Variants in RYR2 observed in about 807,000 individuals in gnomAD.
RYR2 encodes the protein ryanodine receptor 2.
A neutral mutation model predicts 601.1 loss-of-function variants in RYR2; 227 were observed. The observed-to-expected ratio is 0.38, with a 90% CI of 0.34 to 0.42. RYR2 has a LOEUF of 0.42. RYR2 is among the 10% of genes least tolerant of loss of function. RYR2 has a pLI of 1.00. For synonymous variants in RYR2, 2,223 were observed against 2,175.1 expected (o/e 1.02, Z -0.61); for missense variants, 4,646 against 6,156.5 (o/e 0.75, Z 8.21).
At chr1:237,071,134 C>T (rs1233264048) in intron 1 of RYR2, among the ~76,000 whole-genome samples, 1 of 152,200 alleles carries the variant, frequency 6.6e-6, no homozygotes, top group Non-Finnish European at 1.5e-5. Context: ...AGTAAAAGAA[C>T]AACTCTCATG....
At chr1:237,455,423 G>A (rs1337185223) in intron 15 of RYR2, among the ~76,000 whole-genome samples, 1 of 152,076 alleles carries the variant, frequency 6.6e-6, no homozygotes, top group African/African-American at 2.4e-5. Context: ...ACTTGAGGGT[G>A]GAGGGTGGGA....
At chr1:237,322,925 G>T (rs559388200) in intron 2 of RYR2, among the ~76,000 whole-genome samples, 15 of 151,452 alleles carry the variant, frequency 9.9e-5, no homozygotes, top group Non-Finnish European at 2.1e-4. Flanking sequence ...TTCGTGGCTA[G>T]AGGAACTGCA....
At chr1:237,721,011 C>T (rs562658572) in intron 73 of RYR2, among the ~76,000 whole-genome samples, 1 of 152,218 alleles carries the variant, frequency 6.6e-6, no homozygotes, top group South Asian at 2.1e-4. Flanking sequence ...TTCATCTTGT[C>T]ATTTTATTCT....
intron 99 of RYR2, 39 bp from the exon 100 acceptor site, chr1:237,808,862 A>G (rs373668729): frequency 6.2e-7 from 1 of 1,609,762 alleles, no homozygotes; most frequent in Admixed American, 1.7e-5. Flanking sequence ...TGTATGTCCT[A>G]CATTTCTAAT....
intron 2 of RYR2, among the ~76,000 whole-genome samples, chr1:237,306,057 T>A (rs776605338): frequency 3.9e-5 from 6 of 152,156 alleles, no homozygotes; most frequent in Non-Finnish European, 8.8e-5. Context: ...TTAACTACAA[T>A]TTTACTAATG....
intron 100 of RYR2, among the ~76,000 whole-genome samples, chr1:237,812,265 A>G (rs1423444544): frequency 6.6e-6 from 1 of 152,174 alleles, no homozygotes; most frequent in African/African-American, 2.4e-5. Flanking sequence ...TGCTTCTGTC[A>G]TTAATTTTAG....
At chr1:237,445,628 A>C in intron 14 of RYR2, 106 bp downstream of exon 14, 14 of 1,384,284 alleles carry the variant, frequency 1.0e-5, no homozygotes, top group Non-Finnish European at 1.4e-5. Context: ...AATAAATCTC[A>C]TACTGTTTGG....
In RYR2 at chr1:237,106,578, C is replaced by T. The variant is rs1558243398; in HGVS notation, c.48+64009C>T. Among the ~76,000 whole-genome samples, 2 of 152,108 alleles carry T rather than the reference C, an allele frequency of 1.3e-5. No homozygotes were observed. The highest frequency in any genetic ancestry group is 4.8e-5 in the African/African-American group (2 of 41,418). On this transcript the variant is annotated intron_variant, in intron 1 of 104. Coordinates refer to ENST00000366574, the MANE Select transcript of RYR2 (RefSeq NM_001035.3). This position sits in a 1 kb window ranked among gnomAD's most constrained non-coding sequence, Gnocchi z 4.4. ...TGTCTGTCAGAGAGTCGTGGAGCTGCTGGGAGGTGGTTAGTGTGGACTTCT... is the reference window on the plus strand; with the variant it reads ...TGTCTGTCAGAGAGTCGTGGAGCTGTTGGGAGGTGGTTAGTGTGGACTTCT...
chr1:237,056,332 A>ATGAGGACTGGAGCCCTGCACCTG (rs1662046220), intron 1 of RYR2, among the ~76,000 whole-genome samples: 1 of 61,320 alleles, frequency 1.6e-5, no homozygotes, highest in Non-Finnish European at 3.3e-5. Context: ...CACTGCACCT[A>ATGAGGACTGGAGCCCTGCACCTG]TGAGGACTGG....
At chr1:237,640,166 C>G (rs626383) in intron 46 of RYR2, among the ~76,000 whole-genome samples, 150,093 of 152,284 alleles carry the variant, frequency 0.99, 74,020 homozygotes, top group East Asian at 1. Flanking sequence ...CTCACGGACA[C>G]CCTTGCATGC....
intron 16 of RYR2, among the ~76,000 whole-genome samples, chr1:237,458,247 G>C (rs748961155): frequency 6.6e-6 from 1 of 152,074 alleles, no homozygotes; most frequent in Non-Finnish European, 1.5e-5. Flanking sequence ...GACCAACATA[G>C]TGAAACCCTG....
intron 79 of RYR2, among the ~76,000 whole-genome samples, chr1:237,741,179 C>T (rs563058882): frequency 3.5e-4 from 53 of 152,170 alleles, no homozygotes; most frequent in African/African-American, 1.1e-3. Context: ...AAACAGAAAG[C>T]GTGGTGCTAT....
chr1:237,828,250 A>G, intron 101 of RYR2, 131 bp from the exon 102 acceptor site: 1 of 583,294 alleles, frequency 1.7e-6, no homozygotes, highest in South Asian at 2.5e-5. Context: ...TCGGATATGT[A>G]GTCACGTTTA....
At position 237,781,663 on chromosome 1, in the gene RYR2, C is replaced by G. The variant is rs770285624; in HGVS notation, c.11962+17C>G. On this transcript the variant is annotated intron_variant, in intron 89 of 104. Transcript: ENST00000366574. The stretch of plus-strand genomic sequence containing the variant: ...TGTTAGAAGGTAGTTTTGATTTATA[C>G]TTTTAAATTCTCTTTATTATCTTAT... 3.0e-6 allele frequency: 4 copies of G among 1,312,836 alleles called. No homozygotes were observed. Among genetic ancestry groups the G allele is most frequent in the Non-Finnish European group, 4.3e-6 (4 of 926,018 alleles). The allele number at this position is 1,312,836 out of a possible 1,614,324, so 81.3% of individuals were successfully genotyped here.
chr1:237,428,431 G>A (rs1475820244), intron 12 of RYR2, among the ~76,000 whole-genome samples: 2 of 152,176 alleles, frequency 1.3e-5, no homozygotes, highest in African/African-American at 4.8e-5. Context: ...AAAGGAATGA[G>A]ATAATGTCCT....
At chr1:237,552,359 G>C (rs1428733458) in intron 27 of RYR2, among the ~76,000 whole-genome samples, 1 of 152,016 alleles carries the variant, frequency 6.6e-6, no homozygotes, top group African/African-American at 2.4e-5. Flanking sequence ...AATTGAAATA[G>C]AAATTGTTTT....
At chr1:237,470,629 G>T (rs1009234767) in intron 17 of RYR2, among the ~76,000 whole-genome samples, 2 of 152,148 alleles carry the variant, frequency 1.3e-5, no homozygotes, top group African/African-American at 2.4e-5. Flanking sequence ...TGCATTAATT[G>T]CAGAATATAT....
chr1:237,331,728 A>T (rs1223195073), intron 3 of RYR2, among the ~76,000 whole-genome samples: 1 of 147,656 alleles, frequency 6.8e-6, no homozygotes, highest in Non-Finnish European at 1.5e-5. Context: ...GTTGGCCAGG[A>T]TGGTCTTGAC....
chr1:237,247,948 G>C (rs1687025956), intron 1 of RYR2, among the ~76,000 whole-genome samples: 1 of 152,028 alleles, frequency 6.6e-6, no homozygotes, highest in Non-Finnish European at 1.5e-5. Flanking sequence ...AGGCTTAAGG[G>C]TTTTCGCAGA....
Sources: gnomAD v4.1 joint callset for allele counts (sites outside exome capture counted in the v4.1 genomes callset) on GRCh38, gnomAD v4.1.1 for gene constraint, Gnocchi (gnomAD v3.1) non-coding constraint, MANE v1.5 for transcripts, NCBI Gene and HGNC (gene_info 2026-07-23, HGNC 2026-07-21) for gene names.